Variants in TRRAP observed in about 807,000 individuals in gnomAD.
TRRAP encodes transformation/transcription domain associated protein.
In TRRAP, 41 loss-of-function variants were observed where a neutral mutation model predicts 438.8. The observed-to-expected ratio is 0.09, with a 90% CI of 0.07 to 0.12. TRRAP has a LOEUF of 0.12. Ranked by LOEUF, TRRAP falls within the 10% of genes least tolerant of loss-of-function variation. The pLI is 1.00. For synonymous variants in TRRAP, 1,994 were observed against 1,962.9 expected, an observed-to-expected ratio of 1.02 and a Z score of -0.42; for missense variants, 3,122 against 5,055.1, an observed-to-expected ratio of 0.62 and a Z score of 11.60.
chr7:98,940,472 C>T (rs1790751182), intron 30 of TRRAP, among the ~76,000 whole-genome samples: 1 of 152,210 alleles, frequency 6.6e-6, no homozygotes, highest in Non-Finnish European at 1.5e-5. Flanking sequence ...AGTCCCCAGT[C>T]TAACCCTTCA....
intron 70 of TRRAP, among the ~76,000 whole-genome samples, 196 bp downstream of exon 70, chr7:99,008,757 G>A (rs184531331): frequency 7.5e-4 from 114 of 152,336 alleles, no homozygotes; most frequent in African/African-American, 2.4e-3. Context: ...GACACTTGTC[G>A]TGGACGGTTT....
In TRRAP at chr7:98,901,266, G is replaced by A. The variant is rs188077228; in HGVS notation, c.897+546G>A. Among the ~76,000 whole-genome samples the A allele has an allele frequency of 9.2e-5, 14 of 152,318 alleles. No homozygotes were observed. The East Asian group carries it at 1.4e-3, about 15-fold the overall frequency. ...CCTTCTGCTGTGTCCTCACAATGGC[G>A]AACAGAGAGGGAGAGTTCTCTCCTC... On this transcript the variant is annotated intron_variant, in intron 11 of 72. Coordinates refer to ENST00000456197, the MANE Select transcript of TRRAP (RefSeq NM_001375524.1).
rs145804670 is a variant in TRRAP at position 98,976,719 on chromosome 7, G to A, written c.8196G>A (p.Pro2732=). ...FEKGLSLQIK[P]KQTTEFYEQE... ...AGGGTCTGAGTCTTCAGATTAAGCC[G>A]AAGCAAACAACGGAGTTTTATGAGC... is the stretch of plus-strand genomic sequence containing the variant. The change falls in exon 55 of 73, where the codon CCG becomes CCA. Residue 2732 remains proline, a synonymous_variant. Coordinates refer to ENST00000456197, the MANE Select transcript of TRRAP (RefSeq NM_001375524.1). The surrounding 1 kb of genome is among the most constrained non-coding windows in gnomAD (Gnocchi z 4.6). 112 of 1,613,900 alleles carry A rather than the reference G, an allele frequency of 6.9e-5. No homozygotes were observed. The highest frequency in any genetic ancestry group is 9.1e-5 in the Non-Finnish European group (107 of 1,180,040).
chr7:98,965,290 G>A (rs1007701007), intron 48 of TRRAP, among the ~76,000 whole-genome samples: 1 of 152,242 alleles, frequency 6.6e-6, no homozygotes, highest in Non-Finnish European at 1.5e-5. Context: ...AGAGTTGCTG[G>A]TTCTGAAGAG....
Position 98,949,713 on chromosome 7 carries a change from T to C in TRRAP, c.5007T>C (p.Ser1669=). 1 of 1,614,054 alleles carries C rather than the reference T, an allele frequency of 6.2e-7. No individual in the cohort carries two copies. ...ACTCCTGGCTGGCCAGCCAGCACTCTCTGGTGAGCCAGTTGCGACGTGTGT... is the reference window on the plus strand; with the variant it reads ...ACTCCTGGCTGGCCAGCCAGCACTCCCTGGTGAGCCAGTTGCGACGTGTGT... ...NDDSWLASQH[S]LVSQLRRVWV... is the part of the protein sequence containing the mutation. Residue 1669 remains serine (S), a synonymous_variant, in exon 37 of 73, where the codon TCT becomes TCC. Transcript: ENST00000456197.
chr7:98,949,345 A>C (rs1791226047), intron 35 of TRRAP, 72 bp from the exon 36 acceptor site: 1 of 1,388,356 alleles, frequency 7.2e-7, no homozygotes. Context: ...AGAAAGATTT[A>C]ACATTCATAT....
intron 48 of TRRAP, among the ~76,000 whole-genome samples, chr7:98,965,382 C>A (rs1227779585): frequency 6.6e-6 from 1 of 151,958 alleles, no homozygotes; most frequent in Non-Finnish European, 1.5e-5. Context: ...CTGGCAGGGG[C>A]TGTGGTGGGC....
At position 98,908,430 on chromosome 7, in the gene TRRAP, A is replaced by C. The variant is rs143452156; in HGVS notation, c.1116-298A>C. Among the ~76,000 whole-genome samples, 1 of 152,234 alleles carries C rather than the reference A, an allele frequency of 6.6e-6. No homozygotes were observed. The highest frequency in any genetic ancestry group is 2.4e-5 in the African/African-American group (1 of 41,464). On this transcript the variant is annotated intron_variant, in intron 13 of 72. Transcript: ENST00000456197. The surrounding 1 kb of genome is among the most constrained non-coding windows in gnomAD (Gnocchi z 4.1). Reference sequence around the variant, plus strand: ...TTGAGCAACAAAACCCATTCAGTGCATGATCAAGCTGGTAATATTCCTCCT... The same window carrying C: ...TTGAGCAACAAAACCCATTCAGTGCCTGATCAAGCTGGTAATATTCCTCCT...
chr7:98,949,299 T>G (rs1360826295), intron 35 of TRRAP, 118 bp from the exon 36 acceptor site: 2 of 1,245,724 alleles, frequency 1.6e-6, no homozygotes, highest in Non-Finnish European at 2.1e-6. Context: ...TTGGTAAGCC[T>G]TCTTTGAGAG....
chr7:98,886,250 A>G (rs1046572454), intron 3 of TRRAP, among the ~76,000 whole-genome samples: 59 of 152,174 alleles, frequency 3.9e-4, no homozygotes, highest in African/African-American at 1.3e-3. Flanking sequence ...AGATCATGCC[A>G]TTGCACTCCA....
At chr7:98,933,163 A>G in intron 26 of TRRAP, 78 bp from the exon 27 acceptor site, 1 of 1,465,870 alleles carries the variant, frequency 6.8e-7, no homozygotes. Context: ...GATCTCAAAC[A>G]TGGTTTTCAC....
At position 98,882,033 on chromosome 7, in the gene TRRAP, A is replaced by G. The variant is rs371672617; in HGVS notation, c.150+9A>G. 41 of 1,602,876 alleles carry G rather than the reference A, an allele frequency of 2.6e-5. No homozygotes were observed. Among genetic ancestry groups the G allele is most frequent in the Admixed American group, 3.5e-5 (2 of 56,960 alleles). On this transcript the variant is annotated intron_variant, in intron 3 of 72. Coordinates refer to ENST00000456197, the MANE Select transcript of TRRAP (RefSeq NM_001375524.1). ...TTAGTGAAAATTTTGAGGTATGAGC[A>G]TTATATTTTCTATTTTTCATTTTGA... is the stretch of plus-strand genomic sequence containing the variant.
chr7:98,900,316 G>A (rs1484411677), intron 10 of TRRAP, among the ~76,000 whole-genome samples: 1 of 152,044 alleles, frequency 6.6e-6, no homozygotes, highest in Non-Finnish European at 1.5e-5. Flanking sequence ...CCCTAGTTGG[G>A]GTCTTGCACT....
chr7:98,882,072 A>G, intron 3 of TRRAP, 48 bp downstream of exon 3: 3 of 1,518,190 alleles, frequency 2.0e-6, no homozygotes, highest in Non-Finnish European at 2.7e-6. Flanking sequence ...AAATATTCTT[A>G]TTCACTTTCC....
At chr7:98,961,599 C>A in intron 46 of TRRAP, 125 bp downstream of exon 46, 3 of 1,195,698 alleles carry the variant, frequency 2.5e-6, no homozygotes, top group South Asian at 1.5e-5. Flanking sequence ...TTTCTACTTG[C>A]AAACTTTCTT....
intron 40 of TRRAP, among the ~76,000 whole-genome samples, chr7:98,953,729 G>T (rs1419124448): frequency 6.6e-6 from 1 of 152,172 alleles, no homozygotes; most frequent in African/African-American, 2.4e-5. Context: ...GGGGCTCATG[G>T]CTGCACACAG....
At chr7:98,940,951 A>G (rs1259525497) in intron 30 of TRRAP, among the ~76,000 whole-genome samples, 7 of 152,186 alleles carry the variant, frequency 4.6e-5, no homozygotes, top group African/African-American at 1.7e-4. Flanking sequence ...GAGCCAAGGC[A>G]CCTTACTTTT....
At chr7:98,923,518 T>G (rs1789896821) in intron 21 of TRRAP, among the ~76,000 whole-genome samples, 1 of 152,262 alleles carries the variant, frequency 6.6e-6, no homozygotes, top group African/African-American at 2.4e-5. Context: ...TTTGGCACAC[T>G]TGGCAGTCCT....
intron 47 of TRRAP, among the ~76,000 whole-genome samples, 171 bp downstream of exon 47, chr7:98,962,598 A>G (rs1791958488): frequency 6.6e-6 from 1 of 152,126 alleles, no homozygotes; most frequent in Non-Finnish European, 1.5e-5. Flanking sequence ...TCTCCTGTAG[A>G]CTGCATCCCC....
Sources: gnomAD v4.1 joint callset for allele counts (sites outside exome capture counted in the v4.1 genomes callset) on GRCh38, gnomAD v4.1.1 for gene constraint, Gnocchi (gnomAD v3.1) non-coding constraint, MANE v1.5 for transcripts, NCBI Gene and HGNC (gene_info 2026-07-23, HGNC 2026-07-21) for gene names.